ADAM22: variants seen among roughly 807,000 people sequenced by gnomAD.
The protein encoded by ADAM22 is ADAM metallopeptidase domain 22.
ADAM22 carries 65 observed loss-of-function variants against 144.6 expected under a neutral mutation model. That is an observed-to-expected ratio of 0.45 (90% CI 0.37 to 0.55). ADAM22 has a LOEUF of 0.55. Ranked by LOEUF, ADAM22 falls within the 20% of genes least tolerant of loss-of-function variation. The pLI, the probability that ADAM22 is intolerant of heterozygous loss-of-function variation, is 0.00. For synonymous variants in ADAM22, 391 were observed against 412.6 expected (o/e 0.95, Z 0.63); for missense variants, 974 against 1,184.9 (o/e 0.82, Z 2.61).
intron 13 of ADAM22, 44 bp from the exon 14 acceptor site, chr7:88,135,936 T>G (rs1832895913): frequency 1.3e-6 from 2 of 1,546,130 alleles, no homozygotes; most frequent in Admixed American, 3.7e-5. Flanking sequence ...TTAATGCAAC[T>G]GTGTTCACTT....
chr7:88,056,999 C>G, intron 3 of ADAM22, among the ~76,000 whole-genome samples: 1 of 152,052 alleles, frequency 6.6e-6, no homozygotes, highest in Non-Finnish European at 1.5e-5. Flanking sequence ...GTGAGTTATC[C>G]CTTTAAAGTT....
intron 22 of ADAM22, 143 bp from the exon 23 acceptor site, chr7:88,162,869 A>T (rs557226589): frequency 1.4e-6 from 1 of 719,922 alleles, no homozygotes; most frequent in East Asian, 3.2e-5. Flanking sequence ...TTTCTCTGAG[A>T]TTGAACTGGC....
chr7:88,193,953 A>G (rs146463082), intron 31 of ADAM22, among the ~76,000 whole-genome samples: 1 of 135,056 alleles, frequency 7.4e-6, no homozygotes, highest in Non-Finnish European at 1.6e-5. Context: ...CTATAATCCA[A>G]AAGTCTTTAA....
At chr7:88,039,436 C>T (rs1191164462) in intron 3 of ADAM22, among the ~76,000 whole-genome samples, 9 of 67,860 alleles carry the variant, frequency 1.3e-4, no homozygotes, top group Admixed American at 2.2e-4. Flanking sequence ...GGCAACAGAG[C>T]GAGATTCTGT....
intron 9 of ADAM22, among the ~76,000 whole-genome samples, chr7:88,129,218 G>A (rs895611917): frequency 1.3e-5 from 2 of 151,940 alleles, no homozygotes; most frequent in African/African-American, 4.8e-5. Flanking sequence ...GACCCATAGT[G>A]TTTATATTCA....
chr7:88,181,683 T>C, intron 28 of ADAM22, 78 bp downstream of exon 28: 2 of 1,278,592 alleles, frequency 1.6e-6, no homozygotes, highest in Non-Finnish European at 2.2e-6. Flanking sequence ...TAAAGACTTT[T>C]ATTTCTTTGA....
intron 9 of ADAM22, among the ~76,000 whole-genome samples, chr7:88,129,634 G>T (rs113641822): frequency 6.6e-6 from 1 of 151,898 alleles, no homozygotes; most frequent in African/African-American, 2.4e-5. Context: ...ATTTTAGATC[G>T]TCACAAATTC....
chr7:88,124,487 G>T (rs1395149969), intron 7 of ADAM22, among the ~76,000 whole-genome samples: 1 of 150,546 alleles, frequency 6.6e-6, no homozygotes, highest in African/African-American at 2.4e-5. Context: ...TAAATTTAAA[G>T]TGCCCCTCTT....
intron 2 of ADAM22, among the ~76,000 whole-genome samples, chr7:87,953,039 A>G (rs997297085): frequency 4.0e-5 from 6 of 150,982 alleles, no homozygotes; most frequent in African/African-American, 1.2e-4. Flanking sequence ...CTTTTTCTTT[A>G]TTAGTCTTGC....
At chr7:88,097,828 A>G (rs1368280402) in intron 4 of ADAM22, among the ~76,000 whole-genome samples, 1 of 152,300 alleles carries the variant, frequency 6.6e-6, no homozygotes, top group Non-Finnish European at 1.5e-5. Flanking sequence ...AAGTCCATAT[A>G]GAGTAATGCA....
chr7:87,938,206 G>GTTT (rs1841705008), intron 2 of ADAM22, among the ~76,000 whole-genome samples: 1 of 112,240 alleles, frequency 8.9e-6, no homozygotes, highest in African/African-American at 3.8e-5. Flanking sequence ...GATACCCATA[G>GTTT]ATTTTTTTTT....
intron 2 of ADAM22, among the ~76,000 whole-genome samples, chr7:87,971,785 A>G (rs1339476452): frequency 6.6e-6 from 1 of 152,232 alleles, no homozygotes; most frequent in Non-Finnish European, 1.5e-5. Flanking sequence ...TCTAAGAGTA[A>G]CTTTCTGAGA....
intron 3 of ADAM22, among the ~76,000 whole-genome samples, chr7:88,030,601 C>A (rs1800007904): frequency 6.6e-6 from 1 of 152,032 alleles, no homozygotes; most frequent in African/African-American, 2.4e-5. Flanking sequence ...TGGCTGGTTT[C>A]TAATGGTTAG....
intron 27 of ADAM22, 113 bp downstream of exon 27, chr7:88,179,242 C>A: frequency 2.1e-6 from 1 of 473,160 alleles, no homozygotes; most frequent in South Asian, 2.6e-5. Flanking sequence ...ACAAATCAGG[C>A]CACAAAATCA....
chr7:88,113,698 A>AT (rs1491355996), intron 5 of ADAM22, among the ~76,000 whole-genome samples: 922 of 69,110 alleles, frequency 0.013, 8 homozygotes, highest in African/African-American at 0.033. Context: ...ATAAATAAAT[A>AT]AATAAATATA....
intron 21 of ADAM22, among the ~76,000 whole-genome samples, chr7:88,153,856 T>C (rs766971442): frequency 2.0e-5 from 3 of 152,252 alleles, no homozygotes; most frequent in Non-Finnish European, 2.9e-5. Flanking sequence ...CTAAGACCTA[T>C]ATTAATCCTT....
intron 2 of ADAM22, among the ~76,000 whole-genome samples, chr7:87,944,055 G>C (rs1049959510): frequency 1.3e-5 from 2 of 151,968 alleles, no homozygotes; most frequent in African/African-American, 4.8e-5. Flanking sequence ...TCCTGGTTGA[G>C]TTGTGTGAGA....
intron 14 of ADAM22, among the ~76,000 whole-genome samples, chr7:88,141,136 A>T (rs1353598662): frequency 2.0e-5 from 3 of 152,220 alleles, no homozygotes; most frequent in African/African-American, 7.2e-5. Flanking sequence ...GTTCATTTAT[A>T]AATTGTCAGT....
At chr7:88,086,845 A>G (rs1047841747) in intron 4 of ADAM22, among the ~76,000 whole-genome samples, 1 of 152,206 alleles carries the variant, frequency 6.6e-6, no homozygotes, top group Non-Finnish European at 1.5e-5. Context: ...AGCTGCTAAT[A>G]TATGGGGCTA....
Sources: allele counts gnomAD v4.1 joint callset (sites outside exome capture counted in the v4.1 genomes callset), GRCh38; gene constraint gnomAD v4.1.1; transcripts MANE v1.5; gene names NCBI Gene and HGNC (gene_info 2026-07-23, HGNC 2026-07-21).